The following ACTN1 variants were observed in gnomAD, a reference collection of about 807,000 sequenced individuals.
The protein encoded by ACTN1 is actinin alpha 1.
ACTN1 carries 30 observed loss-of-function variants against 119.6 expected under a neutral mutation model. That is an observed-to-expected ratio of 0.25 (90% CI 0.19 to 0.34). ACTN1 has a LOEUF of 0.34. Ranked by LOEUF, ACTN1 falls within the 10% of genes least tolerant of loss-of-function variation. ACTN1 has a pLI of 1.00. For missense variants in ACTN1, 764 were observed against 1,223.4 expected (o/e 0.62, Z 5.60); for synonymous variants, 429 against 472.6 (o/e 0.91, Z 1.20).
intron 1 of ACTN1, among the ~76,000 whole-genome samples, chr14:68,943,215 C>T (rs767696721): frequency 6.6e-6 from 1 of 152,074 alleles, no homozygotes; most frequent in Non-Finnish European, 1.5e-5. Context: ...AGGGACAGGG[C>T]GGCAAGGTAT....
At chr14:68,901,921 C>A (rs1223410524) in intron 8 of ACTN1, among the ~76,000 whole-genome samples, 1 of 152,236 alleles carries the variant, frequency 6.6e-6, no homozygotes, top group Non-Finnish European at 1.5e-5. Context: ...TGCAGCATGG[C>A]CGCATGGGAG....
intron 4 of ACTN1, 71 bp downstream of exon 4, chr14:68,912,085 G>T (rs749309934): frequency 6.0e-5 from 86 of 1,443,898 alleles, no homozygotes; most frequent in Non-Finnish European, 8.3e-5. Context: ...CTGGGTATGG[G>T]AGTTCTCCAG....
intron 6 of ACTN1, among the ~76,000 whole-genome samples, chr14:68,906,603 A>G (rs1399262668): frequency 6.6e-6 from 1 of 152,096 alleles, no homozygotes; most frequent in Non-Finnish European, 1.5e-5. Context: ...CCAGGTATAC[A>G]CACACCCGCC....
chr14:68,973,035 G>A (rs759597313), intron 1 of ACTN1, among the ~76,000 whole-genome samples: 6 of 152,200 alleles, frequency 3.9e-5, no homozygotes, highest in Non-Finnish European at 8.8e-5. Context: ...TTTGGGGCCT[G>A]CCCATCACTA....
At chr14:68,968,058 A>C (rs1265776585) in intron 1 of ACTN1, among the ~76,000 whole-genome samples, 1 of 152,256 alleles carries the variant, frequency 6.6e-6, no homozygotes, top group East Asian at 1.9e-4. Context: ...AACGTGGCAT[A>C]GGTCCCTAGG....
chr14:68,936,290 C>T (rs1390817884), intron 1 of ACTN1, among the ~76,000 whole-genome samples: 1 of 152,074 alleles, frequency 6.6e-6, no homozygotes, highest in Non-Finnish European at 1.5e-5. Flanking sequence ...ACAGCCAGCT[C>T]CTAACCCTTC....
chr14:68,940,328 G>A (rs56998257), intron 1 of ACTN1, among the ~76,000 whole-genome samples: 5,487 of 152,184 alleles, frequency 0.036, 306 homozygotes, highest in African/African-American at 0.13. Flanking sequence ...AGCTGACAGG[G>A]ATTTGGCCCA....
chr14:68,949,144 C>T (rs2036042852), intron 1 of ACTN1, among the ~76,000 whole-genome samples: 1 of 152,204 alleles, frequency 6.6e-6, no homozygotes, highest in Non-Finnish European at 1.5e-5. Flanking sequence ...CACTAACCCT[C>T]TGGGAGAGCC....
chr14:68,978,336 G>C (rs1370674284), intron 1 of ACTN1: 1 of 393,094 alleles, frequency 2.5e-6, no homozygotes, highest in African/African-American at 2.1e-5. Flanking sequence ...CACAGGGCCC[G>C]CGGGGGAGCC....
rs4899266 is a variant in ACTN1, at chr14:68,884,859, G to A, written c.1410C>T (p.Pro470=). ...ELNELDYYDS[P]SVNARCQKIC... is the part of the protein sequence containing the mutation. ...TCTTTTGGCAACGGGCGTTGACACT[G>A]GGTGAGTCATAATAGTCCAGCTCAC... The change falls in exon 13 of 22, where the codon CCC becomes CCT. Residue 470 remains proline, a synonymous_variant. Transcript: ENST00000394419. 4,987 of 1,614,020 alleles carry A rather than the reference G, an allele frequency of 3.1e-3. 131 individuals carry two copies. The African/African-American group carries it at 0.055, about 18-fold the overall frequency.
chr14:68,944,098 C>A (rs898542730), intron 1 of ACTN1, among the ~76,000 whole-genome samples: 1 of 152,206 alleles, frequency 6.6e-6, no homozygotes. Flanking sequence ...ACGCTTAAAG[C>A]CAGCCACGAG....
intron 1 of ACTN1, among the ~76,000 whole-genome samples, chr14:68,973,073 A>G (rs527642551): frequency 2.0e-5 from 3 of 152,322 alleles, no homozygotes; most frequent in Non-Finnish European, 4.4e-5. Flanking sequence ...CCAGATAACC[A>G]GACTTGCCCG....
At chr14:68,895,864 C>T (rs2032836710) in intron 8 of ACTN1, among the ~76,000 whole-genome samples, 1 of 152,152 alleles carries the variant, frequency 6.6e-6, no homozygotes, top group African/African-American at 2.4e-5. Context: ...CTGCTGACTA[C>T]TCCAGAGTCA....
intron 21 of ACTN1, among the ~76,000 whole-genome samples, chr14:68,875,321 T>A (rs2030771175): frequency 6.6e-6 from 1 of 152,242 alleles, no homozygotes; most frequent in African/African-American, 2.4e-5. Context: ...TAGTCTGCAA[T>A]AATTGCGTGC....
At chr14:68,977,802 C>CCCG (rs1555361557) in intron 1 of ACTN1, 4 of 365,242 alleles carry the variant, frequency 1.1e-5, no homozygotes, top group South Asian at 5.9e-5. Context: ...CCATCCTGTC[C>CCCG]CCCCCCCACC....
At chr14:68,933,700 T>C (rs1248324010) in intron 1 of ACTN1, among the ~76,000 whole-genome samples, 3 of 151,904 alleles carry the variant, frequency 2.0e-5, no homozygotes, top group African/African-American at 2.4e-5. Context: ...TCTGAACTTA[T>C]GCTGGGTGTA....
chr14:68,972,034 A>G (rs1007266335), intron 1 of ACTN1, among the ~76,000 whole-genome samples: 14 of 151,356 alleles, frequency 9.2e-5, no homozygotes, highest in African/African-American at 3.2e-4. Flanking sequence ...CCTCACTTGG[A>G]CTCCCACCCT....
Position 68,942,202 on chromosome 14 carries a change from AC to A in ACTN1, c.106-16531del, listed in dbSNP as rs575935232. On this transcript the variant is annotated intron_variant, in intron 1 of 21. Transcript: ENST00000394419. ...CAGGAACCTACGCAACAGGCAAAAAACTCTGTCTCTACAAAAAATTTAAAAA... is the reference window on the plus strand; with the variant it reads ...CAGGAACCTACGCAACAGGCAAAAAATCTGTCTCTACAAAAAATTTAAAAA... Among the ~76,000 whole-genome samples, 52 of 151,750 alleles carry A rather than the reference AC, an allele frequency of 3.4e-4. No homozygotes were observed. The South Asian group carries it at 0.011, about 31-fold the overall frequency.
intron 1 of ACTN1, among the ~76,000 whole-genome samples, chr14:68,949,418 G>A (rs1466430181): frequency 2.0e-5 from 3 of 152,172 alleles, no homozygotes; most frequent in African/African-American, 4.8e-5. Flanking sequence ...GTGTGCCCTC[G>A]GGGACCCAAA....
Sources: allele counts gnomAD v4.1 joint callset (sites outside exome capture counted in the v4.1 genomes callset), GRCh38; gene constraint gnomAD v4.1.1; transcripts MANE v1.5; gene names NCBI Gene and HGNC (gene_info 2026-07-23, HGNC 2026-07-21).